Variants in GSDMC observed in about 807,000 individuals in gnomAD.
GSDMC encodes gasdermin-C.
A neutral mutation model predicts 58.0 loss-of-function variants in GSDMC; 59 were observed. The observed-to-expected ratio is 1.02, with a 90% confidence interval of 0.82 to 1.26. GSDMC has a LOEUF of 1.26. Among genes scored for constraint, GSDMC ranks in the 50% most tolerant of loss-of-function variants. The pLI is 0.00. For synonymous variants in GSDMC, 241 were observed against 220.2 expected (o/e 1.09, Z -0.83); for missense variants, 659 against 598.5 (o/e 1.10, Z -1.06).
chr8:129,727,569 T>C, the GSDMC span, among the ~76,000 whole-genome samples: 2 of 152,106 alleles, frequency 1.3e-5, no homozygotes, highest in Non-Finnish European at 2.9e-5. Flanking sequence ...GCTGTGGAAC[T>C]AAGTTGGGGA....
chr8:129,710,426 G>A, the GSDMC span, among the ~76,000 whole-genome samples: 3 of 152,204 alleles, frequency 2.0e-5, no homozygotes, highest in Admixed American at 6.5e-5. Context: ...TGTTTGGTGT[G>A]TTCACATGGT....
chr8:129,713,900 G>T, the GSDMC span, among the ~76,000 whole-genome samples: 1 of 152,118 alleles, frequency 6.6e-6, no homozygotes, highest in Admixed American at 6.6e-5. Context: ...CACACACAGA[G>T]CCCACTGATA....
At chr8:129,709,631 G>A in the GSDMC span, among the ~76,000 whole-genome samples, 1 of 146,726 alleles carries the variant, frequency 6.8e-6, no homozygotes, top group African/African-American at 2.6e-5. Flanking sequence ...TAGATAGATA[G>A]ATAGATATGG....
At chr8:129,764,027 C>A (rs1455777770) in intron 4 of GSDMC, among the ~76,000 whole-genome samples, 2 of 152,122 alleles carry the variant, frequency 1.3e-5, no homozygotes, top group Non-Finnish European at 2.9e-5. Context: ...CTATAAATAT[C>A]CTTTTTGCAA....
the GSDMC span, among the ~76,000 whole-genome samples, chr8:129,715,307 C>T: frequency 0.014 from 2,098 of 152,140 alleles, 52 homozygotes; most frequent in African/African-American, 0.048. Flanking sequence ...AAGCAACACT[C>T]CAAAAAATCT....
chr8:129,768,899 T>C (rs77615075), intron 3 of GSDMC, among the ~76,000 whole-genome samples: 1 of 152,110 alleles, frequency 6.6e-6, no homozygotes, highest in African/African-American at 2.4e-5. Context: ...GAGAATAATA[T>C]TGAGACCACA....
the GSDMC span, among the ~76,000 whole-genome samples, chr8:129,709,833 C>G: frequency 6.6e-6 from 1 of 152,352 alleles, no homozygotes; most frequent in Non-Finnish European, 1.5e-5. Context: ...TAAGGCTTCA[C>G]GTATGCTCTT....
chr8:129,745,798 TATA>T (rs1418202961), downstream of GSDMC, among the ~76,000 whole-genome samples: 1 of 77,664 alleles, frequency 1.3e-5, no homozygotes, highest in Non-Finnish European at 2.1e-5. Context: ...GTTCATAGTG[TATA>T]ATTCACCACA....
Sources: allele counts gnomAD v4.1 joint callset (sites outside exome capture counted in the v4.1 genomes callset), GRCh38; gene constraint gnomAD v4.1.1; transcripts MANE v1.5; gene names NCBI Gene and HGNC (gene_info 2026-07-23, HGNC 2026-07-21).